Variants in PTPRD observed in about 807,000 individuals in gnomAD.
The protein encoded by PTPRD is protein tyrosine phosphatase receptor type D.
In PTPRD, 34 loss-of-function variants were observed where a neutral mutation model predicts 214.5. The ratio of observed to expected loss-of-function variants is 0.16; its 90% CI spans 0.12 to 0.21. The LOEUF (loss-of-function observed/expected upper bound fraction) is 0.21, where lower values mean the gene tolerates loss of function less well. Among genes scored for constraint, PTPRD ranks in the 10% least tolerant of loss-of-function variants. The pLI is 1.00. For synonymous variants in PTPRD, 1,128 were observed against 845.7 expected (o/e 1.33, Z -5.79); for missense variants, 2,545 against 2,398.7 (o/e 1.06, Z -1.27).
At chr9:10,077,127 T>C (rs2098143788) in intron 3 of PTPRD, among the ~76,000 whole-genome samples, 1 of 152,196 alleles carries the variant, frequency 6.6e-6, no homozygotes, top group Non-Finnish European at 1.5e-5. Flanking sequence ...CCACTCCTTA[T>C]ACATAGTGCT....
At chr9:9,446,138 A>T (rs183037302) in intron 8 of PTPRD, among the ~76,000 whole-genome samples, 1 of 152,324 alleles carries the variant, frequency 6.6e-6, no homozygotes, top group East Asian at 1.9e-4. Context: ...CACCTCCAAG[A>T]TGATCCTTCA....
intron 7 of PTPRD, among the ~76,000 whole-genome samples, chr9:9,677,729 CAGG>C (rs2154395330): frequency 6.6e-6 from 1 of 152,028 alleles, no homozygotes; most frequent in African/African-American, 2.4e-5. Flanking sequence ...GGCTATCAGG[CAGG>C]AGAAGGAAAT....
intron 3 of PTPRD, among the ~76,000 whole-genome samples, chr9:10,238,693 T>A (rs1401326269): frequency 1.3e-5 from 2 of 151,968 alleles, no homozygotes; most frequent in Non-Finnish European, 2.9e-5. Flanking sequence ...TATCTAAAAA[T>A]TGTAGACAAT....
At chr9:9,779,423 A>G (rs1347835612) in intron 5 of PTPRD, among the ~76,000 whole-genome samples, 3 of 152,200 alleles carry the variant, frequency 2.0e-5, no homozygotes, top group Non-Finnish European at 4.4e-5. Flanking sequence ...GACAACATGC[A>G]GAATGGGAGG....
At chr9:9,107,446 G>C (rs1437370254) in intron 10 of PTPRD, among the ~76,000 whole-genome samples, 1 of 152,180 alleles carries the variant, frequency 6.6e-6, no homozygotes, top group Admixed American at 6.5e-5. Flanking sequence ...GTTGTAGGAA[G>C]AGACTTATAA....
chr9:9,878,836 GAT>G (rs2153732364), intron 5 of PTPRD, among the ~76,000 whole-genome samples: 1 of 152,170 alleles, frequency 6.6e-6, no homozygotes, highest in South Asian at 2.1e-4. Flanking sequence ...AACTAAAAAA[GAT>G]GAAGAGGAAG....
rs143131819 is a variant in PTPRD, at chr9:9,007,097, G to A, written c.-104+11600C>T. On this transcript the variant is annotated intron_variant, in intron 11 of 45. Coordinates refer to ENST00000381196, the MANE Select transcript of PTPRD (RefSeq NM_002839.4). ...TTAAATTATAAAATTAAAATACTGTGTGTGCTCCCATCCACACATCTTAAG... is the reference window on the plus strand; with the variant it reads ...TTAAATTATAAAATTAAAATACTGTATGTGCTCCCATCCACACATCTTAAG... 3.8e-3 allele frequency among the ~76,000 whole-genome samples: 580 copies of A among 151,952 alleles called. 2 individuals are homozygous for A. The highest frequency in any genetic ancestry group is 0.013 in the African/African-American group (538 of 41,454).
At chr9:10,469,468 T>C (rs1014180550) in intron 2 of PTPRD, among the ~76,000 whole-genome samples, 18 of 152,186 alleles carry the variant, frequency 1.2e-4, no homozygotes, top group Admixed American at 9.2e-4. Flanking sequence ...GCACTAATTA[T>C]ACTAGATTCA....
chr9:9,072,541 A>C (rs907255419), intron 10 of PTPRD, among the ~76,000 whole-genome samples: 1 of 152,186 alleles, frequency 6.6e-6, no homozygotes, highest in Non-Finnish European at 1.5e-5. Flanking sequence ...GAAATGTACA[A>C]GCTGTCTTTT....
At chr9:9,675,148 AAG>A (rs1461416127) in intron 7 of PTPRD, among the ~76,000 whole-genome samples, 29 of 152,054 alleles carry the variant, frequency 1.9e-4, no homozygotes, top group Admixed American at 5.2e-4. Context: ...TCAATTATGA[AAG>A]AGAAACAAAC....
intron 11 of PTPRD, among the ~76,000 whole-genome samples, chr9:8,982,825 T>C (rs762008827): frequency 1.3e-5 from 2 of 152,050 alleles, no homozygotes; most frequent in South Asian, 2.1e-4. Context: ...GAACTGCTTA[T>C]ATTCAGAAGC....
At chr9:8,642,380 CTGTT>C (rs1467476461) in intron 12 of PTPRD, among the ~76,000 whole-genome samples, 1 of 152,068 alleles carries the variant, frequency 6.6e-6, no homozygotes, top group East Asian at 1.9e-4. Flanking sequence ...TTTTAAAGGG[CTGTT>C]TGTCATAACA....
intron 7 of PTPRD, among the ~76,000 whole-genome samples, chr9:9,680,704 T>G (rs1365216233): frequency 1.3e-5 from 2 of 151,438 alleles, no homozygotes; most frequent in African/African-American, 2.4e-5. Flanking sequence ...CATCTCCTCC[T>G]AGGATTGAGA....
intron 14 of PTPRD, among the ~76,000 whole-genome samples, chr9:8,536,959 T>A (rs2077113203): frequency 6.6e-6 from 1 of 151,966 alleles, no homozygotes; most frequent in South Asian, 2.1e-4. Context: ...AATCACAGTA[T>A]CAGGCTACAA....
chr9:10,198,865 T>C (rs976152770), intron 3 of PTPRD, among the ~76,000 whole-genome samples: 9 of 152,222 alleles, frequency 5.9e-5, no homozygotes, highest in African/African-American at 1.7e-4. Flanking sequence ...TAATTGCTCA[T>C]TGTATACAAG....
intron 7 of PTPRD, among the ~76,000 whole-genome samples, chr9:9,611,621 G>T (rs900758754): frequency 6.6e-6 from 1 of 151,626 alleles, no homozygotes; most frequent in African/African-American, 2.4e-5. Flanking sequence ...TATTATATTG[G>T]TCATCCATAG....
intron 3 of PTPRD, among the ~76,000 whole-genome samples, chr9:10,063,708 T>C (rs752283048): frequency 1.3e-5 from 2 of 152,006 alleles, no homozygotes; most frequent in Non-Finnish European, 2.9e-5. Context: ...TATTCAGATA[T>C]AGAATCTGAG....
At chr9:9,577,679 C>G (rs2089355646) in intron 7 of PTPRD, among the ~76,000 whole-genome samples, 1 of 152,048 alleles carries the variant, frequency 6.6e-6, no homozygotes, top group Non-Finnish European at 1.5e-5. Context: ...CTGTCAGAGA[C>G]TTTGACACTA....
chr9:8,485,550 G>C (rs78415086), intron 28 of PTPRD: 1 of 623,996 alleles, frequency 1.6e-6, no homozygotes, highest in Non-Finnish European at 2.8e-6. Flanking sequence ...CTTACCTGAG[G>C]ACATTGGGGT....
Sources: gnomAD v4.1 joint callset for allele counts (sites outside exome capture counted in the v4.1 genomes callset) on GRCh38, gnomAD v4.1.1 for gene constraint, MANE v1.5 for transcripts, NCBI Gene and HGNC (gene_info 2026-07-23, HGNC 2026-07-21) for gene names.